The following DCBLD1 variants were observed in gnomAD, a reference collection of about 807,000 sequenced individuals.
DCBLD1 encodes discoidin, CUB and LCCL domain containing 1.
DCBLD1 carries 57 observed loss-of-function variants against 71.5 expected under a neutral mutation model. The observed-to-expected ratio is 0.80, with a 90% CI of 0.64 to 0.99. The LOEUF (loss-of-function observed/expected upper bound fraction) is 0.99. Among genes scored for constraint, DCBLD1 ranks in the 50% least tolerant of loss-of-function variants. DCBLD1 has a pLI of 0.00. For synonymous variants in DCBLD1, 380 were observed against 363.8 expected, an observed-to-expected ratio of 1.04 and a Z score of -0.51; for missense variants, 891 against 923.5, an observed-to-expected ratio of 0.96 and a Z score of 0.46.
chr6:117,568,026 C>CAAA (rs779227271), intron 14 of DCBLD1, among the ~76,000 whole-genome samples: 53 of 46,056 alleles, frequency 1.2e-3, no homozygotes, highest in Non-Finnish European at 1.5e-3. Context: ...CCCATCTCTA[C>CAAA]AAAAAAAAAA....
chr6:117,486,909 C>T (rs1231719666), intron 1 of DCBLD1, among the ~76,000 whole-genome samples: 2 of 152,072 alleles, frequency 1.3e-5, no homozygotes, highest in Non-Finnish European at 2.9e-5. Context: ...TCAGATCAGC[C>T]GGGCATTAGA....
chr6:117,511,147 C>T (rs1778006836), intron 2 of DCBLD1, among the ~76,000 whole-genome samples: 1 of 152,120 alleles, frequency 6.6e-6, no homozygotes, highest in African/African-American at 2.4e-5. Flanking sequence ...GCCATCTGTT[C>T]CTGTGGCTTG....
intron 2 of DCBLD1, among the ~76,000 whole-genome samples, chr6:117,510,685 A>G (rs1456878106): frequency 6.6e-6 from 1 of 152,222 alleles, no homozygotes; most frequent in African/African-American, 2.4e-5. Context: ...CAAACATATT[A>G]AAAAATCTGG....
intron 6 of DCBLD1, among the ~76,000 whole-genome samples, chr6:117,535,768 T>C (rs1778863085): frequency 6.6e-6 from 1 of 152,198 alleles, no homozygotes; most frequent in Non-Finnish European, 1.5e-5. Context: ...GTAGGAACGT[T>C]AGAGAAAATG....
intron 2 of DCBLD1, among the ~76,000 whole-genome samples, chr6:117,516,871 C>G (rs1270365224): frequency 6.6e-6 from 1 of 152,100 alleles, no homozygotes; most frequent in African/African-American, 2.4e-5. Context: ...ATGGGAAAGA[C>G]CTTCCTCCAT....
chr6:117,503,695 T>C (rs1582979410), intron 1 of DCBLD1, 72 bp from the exon 2 acceptor site: 3 of 1,517,554 alleles, frequency 2.0e-6, no homozygotes, highest in South Asian at 1.2e-5. Context: ...GGAGATTGTA[T>C]TGGACTCTCA....
chr6:117,549,801 C>T (rs1438977460), downstream of DCBLD1: 1 of 985,226 alleles, frequency 1.0e-6, no homozygotes, highest in African/African-American at 1.7e-5. Flanking sequence ...AACCAAACTG[C>T]CCCTGACTCT....
At chr6:117,566,843 G>A in intron 14 of DCBLD1, 1 of 1,509,022 alleles carries the variant, frequency 6.6e-7, no homozygotes, top group East Asian at 2.3e-5. Flanking sequence ...AATTTTTAGA[G>A]TGATTTTTAC....
At chr6:117,559,400 T>C (rs1779541168) in intron 14 of DCBLD1, among the ~76,000 whole-genome samples, 1 of 152,190 alleles carries the variant, frequency 6.6e-6, no homozygotes, top group Admixed American at 6.5e-5. Flanking sequence ...CTAAGGGAGT[T>C]TGGCAAGACC....
At chr6:117,515,094 A>G (rs1228058300) in intron 2 of DCBLD1, among the ~76,000 whole-genome samples, 1 of 148,130 alleles carries the variant, frequency 6.8e-6, no homozygotes, top group African/African-American at 2.5e-5. Flanking sequence ...ATCGTGGCTC[A>G]CTGCAACCTC....
chr6:117,514,167 C>T (rs554167446), intron 2 of DCBLD1, among the ~76,000 whole-genome samples: 16 of 152,260 alleles, frequency 1.1e-4, no homozygotes, highest in Non-Finnish European at 2.2e-4. Flanking sequence ...AAGGAATTTT[C>T]GTCTGTCAGA....
At chr6:117,494,190 A>G (rs1275283086) in intron 1 of DCBLD1, among the ~76,000 whole-genome samples, 8 of 152,184 alleles carry the variant, frequency 5.3e-5, no homozygotes, top group Admixed American at 5.2e-4. Context: ...CAATTTTTAA[A>G]AAACTATTAT....
At chr6:117,568,116 T>C (rs1779736174) in intron 14 of DCBLD1, among the ~76,000 whole-genome samples, 1 of 151,922 alleles carries the variant, frequency 6.6e-6, no homozygotes, top group Non-Finnish European at 1.5e-5. Flanking sequence ...GGAGGATCTG[T>C]TTGAGCCTGG....
chr6:117,562,279 G>A (rs926208967), intron 14 of DCBLD1: 9 of 205,838 alleles, frequency 4.4e-5, no homozygotes, highest in Non-Finnish European at 7.9e-5. Context: ...TAGATGACTG[G>A]AAATCATTTA....
chr6:117,537,686 T>C (rs1778945836), intron 7 of DCBLD1, among the ~76,000 whole-genome samples: 1 of 139,296 alleles, frequency 7.2e-6, no homozygotes, highest in African/African-American at 2.8e-5. Context: ...TTTTTTTTTT[T>C]TTTTAAGGAG....
intron 2 of DCBLD1, among the ~76,000 whole-genome samples, chr6:117,519,016 C>T (rs1005297027): frequency 2.6e-5 from 4 of 152,190 alleles, no homozygotes; most frequent in African/African-American, 9.7e-5. Context: ...TAATACCTCT[C>T]TTCAAAATTT....
chr6:117,517,180 T>C (rs1778228837), intron 2 of DCBLD1, among the ~76,000 whole-genome samples: 1 of 152,226 alleles, frequency 6.6e-6, no homozygotes, highest in East Asian at 1.9e-4. Flanking sequence ...GGTACTGGCA[T>C]TGGGTAAATA....
chr6:117,494,588 AG>A (rs1777409197), intron 1 of DCBLD1, among the ~76,000 whole-genome samples: 4 of 151,820 alleles, frequency 2.6e-5, no homozygotes, highest in African/African-American at 9.7e-5. Context: ...TGTACAAACA[AG>A]TTTTTTTTTT....
At chr6:117,538,932 T>A in intron 8 of DCBLD1, 97 bp downstream of exon 8, 1 of 1,200,282 alleles carries the variant, frequency 8.3e-7, no homozygotes, top group Non-Finnish European at 1.2e-6. Context: ...TAGGTGCTTC[T>A]CTACCTACCT....
Sources: gnomAD v4.1 joint callset for allele counts (sites outside exome capture counted in the v4.1 genomes callset) on GRCh38, gnomAD v4.1.1 for gene constraint, MANE v1.5 for transcripts, NCBI Gene and HGNC (gene_info 2026-07-23, HGNC 2026-07-21) for gene names.